The following PCCA variants were observed in gnomAD, a reference collection of about 807,000 sequenced individuals.
The protein encoded by PCCA is propionyl-CoA carboxylase subunit alpha, also known as propionyl-CoA carboxylase alpha chain, mitochondrial.
Under a neutral mutation model 101.3 loss-of-function variants are expected in PCCA, and 74 were observed. That is an observed-to-expected ratio of 0.73 (90% CI 0.61 to 0.89). PCCA has a LOEUF of 0.89. PCCA is among the 40% of genes least tolerant of loss of function. The pLI is 0.00. For synonymous variants in PCCA, 294 were observed against 313.6 expected (o/e 0.94, Z 0.66); for missense variants, 891 against 907.0 (o/e 0.98, Z 0.23).
At chr13:100,505,554 A>G (rs936363521) in intron 21 of PCCA, among the ~76,000 whole-genome samples, 1 of 152,236 alleles carries the variant, frequency 6.6e-6, no homozygotes, top group Non-Finnish European at 1.5e-5. Context: ...CCTACAATAC[A>G]TGATTTTAAA....
chr13:100,475,304 C>A (rs1255171167), intron 21 of PCCA, among the ~76,000 whole-genome samples: 1 of 152,178 alleles, frequency 6.6e-6, no homozygotes, highest in Non-Finnish European at 1.5e-5. Context: ...AGCCCCCTAC[C>A]CATTAGCATT....
intron 20 of PCCA, among the ~76,000 whole-genome samples, chr13:100,445,171 A>G (rs928086739): frequency 6.6e-6 from 1 of 152,168 alleles, no homozygotes; most frequent in Non-Finnish European, 1.5e-5. Flanking sequence ...CTCAGGAACT[A>G]AGAGCTTGAA....
chr13:100,422,069 CTTTTCTTTCTTTCTT>C (rs1343488747), intron 19 of PCCA, among the ~76,000 whole-genome samples: 8 of 47,354 alleles, frequency 1.7e-4, no homozygotes, highest in African/African-American at 6.4e-4. Flanking sequence ...CTTCTCTTTT[CTTTTCTTTCTTTCTT>C]TCTTTCTTTC....
At chr13:100,134,796 C>A (rs945676498) in intron 4 of PCCA, among the ~76,000 whole-genome samples, 1 of 152,042 alleles carries the variant, frequency 6.6e-6, no homozygotes, top group Non-Finnish European at 1.5e-5. Flanking sequence ...TCAAGCAGTT[C>A]TCTTGCTTTG....
chr13:100,300,322 G>A (rs2065961242), intron 12 of PCCA, among the ~76,000 whole-genome samples: 1 of 152,064 alleles, frequency 6.6e-6, no homozygotes, highest in Non-Finnish European at 1.5e-5. Context: ...CTAATTATGG[G>A]TGCCATCTGT....
intron 8 of PCCA, among the ~76,000 whole-genome samples, chr13:100,238,331 C>T (rs1388217664): frequency 6.6e-6 from 1 of 152,044 alleles, no homozygotes; most frequent in Non-Finnish European, 1.5e-5. Flanking sequence ...CTTTGCTTTC[C>T]TCCCTCAATA....
intron 19 of PCCA, among the ~76,000 whole-genome samples, chr13:100,416,211 C>T (rs1339352293): frequency 1.3e-5 from 2 of 149,686 alleles, no homozygotes; most frequent in African/African-American, 2.5e-5. Context: ...TTTTCTGAGA[C>T]GGAGTCTCGC....
chr13:100,094,487 A>G (rs1032711701), intron 1 of PCCA, among the ~76,000 whole-genome samples: 4 of 152,194 alleles, frequency 2.6e-5, no homozygotes, highest in African/African-American at 9.6e-5. Context: ...GGATCAACCT[A>G]ATAAGATCAA....
intron 9 of PCCA, among the ~76,000 whole-genome samples, chr13:100,258,805 T>C (rs577721021): frequency 1.3e-5 from 2 of 152,316 alleles, no homozygotes; most frequent in African/African-American, 4.8e-5. Flanking sequence ...AATAGCACAT[T>C]GATTCAAAAT....
intron 19 of PCCA, among the ~76,000 whole-genome samples, chr13:100,413,088 T>C (rs2078151684): frequency 6.6e-6 from 1 of 152,146 alleles, no homozygotes; most frequent in South Asian, 2.1e-4. Context: ...AAATCCTTGG[T>C]AGATAGGAGC....
At chr13:100,232,348 A>ATGCGTG (rs200506484) in intron 7 of PCCA, among the ~76,000 whole-genome samples, 11,376 of 60,260 alleles carry the variant, frequency 0.19, 601 homozygotes, top group East Asian at 0.33. Flanking sequence ...GTGTGTGTGT[A>ATGCGTG]TGCGTGTGTG....
chr13:100,140,262 C>A (rs1024427056), intron 4 of PCCA, among the ~76,000 whole-genome samples: 1 of 152,118 alleles, frequency 6.6e-6, no homozygotes, highest in Admixed American at 6.6e-5. Flanking sequence ...GCAGAAAAAA[C>A]CTTGGGGTTT....
chr13:100,412,729 T>G (rs2078131905), intron 19 of PCCA, among the ~76,000 whole-genome samples: 1 of 152,210 alleles, frequency 6.6e-6, no homozygotes, highest in Non-Finnish European at 1.5e-5. Context: ...AAACGGCTGA[T>G]TGTTAGCTTA....
intron 7 of PCCA, among the ~76,000 whole-genome samples, chr13:100,216,403 G>A (rs906893472): frequency 6.6e-6 from 1 of 152,194 alleles, no homozygotes; most frequent in African/African-American, 2.4e-5. Context: ...TAGATTTTTA[G>A]GGCCTTACAG....
At chr13:100,506,624 C>T (rs571051348) in intron 21 of PCCA, among the ~76,000 whole-genome samples, 4 of 152,060 alleles carry the variant, frequency 2.6e-5, no homozygotes, top group East Asian at 1.9e-4. Context: ...TTGTTGAAGC[C>T]CCTCACATTA....
At chr13:100,425,946 G>A in intron 20 of PCCA, among the ~76,000 whole-genome samples, 1 of 151,216 alleles carries the variant, frequency 6.6e-6, no homozygotes, top group Middle Eastern at 3.2e-3. Context: ...ATCCAAGAAG[G>A]TTCATGTATT....
At chr13:100,299,886 T>C (rs572476377) in intron 12 of PCCA, among the ~76,000 whole-genome samples, 1 of 152,264 alleles carries the variant, frequency 6.6e-6, no homozygotes, top group South Asian at 2.1e-4. Flanking sequence ...CTAATTGTTT[T>C]TATTTTTAGT....
At chr13:100,368,306 A>G (rs1321600851) in intron 18 of PCCA, among the ~76,000 whole-genome samples, 166 bp from the exon 19 acceptor site, 1 of 152,210 alleles carries the variant, frequency 6.6e-6, no homozygotes, top group Non-Finnish European at 1.5e-5. Flanking sequence ...CAATTAGGCA[A>G]TTCAAATTCA....
chr13:100,470,844 GT>G (rs2082954971), intron 21 of PCCA, among the ~76,000 whole-genome samples: 1 of 152,118 alleles, frequency 6.6e-6, no homozygotes, highest in African/African-American at 2.4e-5. Context: ...GGGCGACAGA[GT>G]GAGACTCTGT....
Sources: allele counts gnomAD v4.1 joint callset (sites outside exome capture counted in the v4.1 genomes callset), GRCh38; gene constraint gnomAD v4.1.1; transcripts MANE v1.5; gene names NCBI Gene and HGNC (gene_info 2026-07-23, HGNC 2026-07-21).